The following GLRX2 variants were observed in gnomAD, a reference collection of about 807,000 sequenced individuals.
GLRX2 encodes the protein bA101E13.1 (GRX2 glutaredoxin (thioltransferase) 2).
A neutral mutation model predicts 16.4 loss-of-function variants in GLRX2; 12 were observed. The ratio of observed to expected loss-of-function variants is 0.73; its 90% CI spans 0.47 to 1.19. The LOEUF (loss-of-function observed/expected upper bound fraction) is 1.19. Ranked by LOEUF, GLRX2 falls within the 50% of genes most tolerant of loss-of-function variation. GLRX2 has a pLI of 0.00. For missense variants in GLRX2, 201 were observed against 201.8 expected (o/e 1.00, Z 0.02); for synonymous variants, 95 against 76.2 (o/e 1.25, Z -1.28).
intron 1 of GLRX2, among the ~76,000 whole-genome samples, chr1:193,102,182 G>A (rs1266319536): frequency 6.6e-6 from 1 of 152,084 alleles, no homozygotes; most frequent in African/African-American, 2.4e-5. Context: ...TTATCCTTGT[G>A]ATTATGTTAT....
chr1:193,105,545 G>T, upstream of GLRX2: 1 of 1,594,322 alleles, frequency 6.3e-7, no homozygotes, highest in South Asian at 1.1e-5. Context: ...GTCCTCCCAG[G>T]GCTGCCCGAG....
intron 2 of GLRX2, among the ~76,000 whole-genome samples, chr1:193,098,532 A>C (rs1395132533): frequency 6.6e-6 from 1 of 152,036 alleles, no homozygotes; most frequent in South Asian, 2.1e-4. Context: ...AAAACAAACA[A>C]ACAAACAAAC....
chr1:193,096,604 G>A lies in GLRX2; in HGVS notation c.*21C>T, dbSNP rs767808174. 1 of 1,458,700 alleles carries A rather than the reference G, an allele frequency of 6.9e-7. No individual in the cohort carries two copies. Among genetic ancestry groups the A allele is most frequent in the South Asian group, 1.2e-5 (1 of 84,012 alleles). 90.4% of individuals were successfully genotyped at this position (1,458,700 alleles called of 1,614,324 possible). ...ACTTTAAATAACTGACACTGTACTA[G>A]CAAACTTATTAGTATAAACATCACT... On this transcript the variant is annotated 3_prime_UTR_variant, in exon 4 of 4. Transcript: ENST00000367439.
chr1:193,098,393 T>G (rs964760118), intron 2 of GLRX2, among the ~76,000 whole-genome samples: 2 of 151,878 alleles, frequency 1.3e-5, no homozygotes, highest in Admixed American at 6.6e-5. Flanking sequence ...ACACAAAAGT[T>G]GCCAGGCATG....
chr1:193,105,390 G>A lies in GLRX2; in HGVS notation c.-8C>T, dbSNP rs569607521. Reference sequence around the variant, plus strand: ...CGCGCGGCGCCAAATCATGGTCAGAGCCCGGATCTGCAGCGAGCTCTACTG... The same window carrying A: ...CGCGCGGCGCCAAATCATGGTCAGAACCCGGATCTGCAGCGAGCTCTACTG... On this transcript the variant is annotated 5_prime_UTR_variant, in exon 1 of 4. Coordinates refer to ENST00000367439, the MANE Select transcript of GLRX2 (RefSeq NM_197962.3). 2.6e-6 allele frequency: 4 copies of A among 1,535,514 alleles called. No individual in the cohort carries two copies. Among genetic ancestry groups the A allele is most frequent in the South Asian group, 2.4e-5 (2 of 83,414 alleles).
rs933787883 is a variant in GLRX2, at chr1:193,101,045, T to C, written c.183+96A>G. ...ATCTCTTAATTCATTTGCTAAACTA[T>C]CTCAAGTTTGGATATTGAATAAGCA... On this transcript the variant is annotated intron_variant, in intron 2 of 3. Transcript: ENST00000367439. 1.1e-5 allele frequency: 9 copies of C among 794,346 alleles called. No homozygotes were observed. In the African/African-American group the frequency reaches 1.2e-4, roughly 11 times the overall value. The allele number at this position is 794,346 out of a possible 1,614,324, so 49.2% of individuals were successfully genotyped here.
intron 1 of GLRX2, among the ~76,000 whole-genome samples, chr1:193,103,862 G>A (rs977359019): frequency 2.0e-5 from 3 of 152,094 alleles, no homozygotes; most frequent in Admixed American, 6.5e-5. Flanking sequence ...TAAGGGTAGC[G>A]AGCTAGGGAG....
intron 3 of GLRX2, among the ~76,000 whole-genome samples, chr1:193,097,089 T>C (rs1216085954): frequency 2.0e-5 from 3 of 152,364 alleles, no homozygotes; most frequent in Middle Eastern, 6.8e-3. Context: ...CAGTAATATT[T>C]AGTTATTTCT....
intron 1 of GLRX2, among the ~76,000 whole-genome samples, chr1:193,105,009 G>A (rs1675157023): frequency 6.6e-6 from 1 of 152,208 alleles, no homozygotes; most frequent in South Asian, 2.1e-4. Flanking sequence ...ATTCACAGAG[G>A]GATGGCCTAA....
At chr1:193,105,732 C>T, upstream of GLRX2, 1 of 1,433,512 alleles carries the variant, frequency 7.0e-7, no homozygotes, top group Non-Finnish European at 9.2e-7. Flanking sequence ...GGCAGACATG[C>T]TGGGGAAACG....
At position 193,101,201 on chromosome 1, in the gene GLRX2, C is replaced by A; in HGVS notation, c.123G>T (p.Met41Ile). Residue 41 changes from methionine to isoleucine, a missense_variant, in exon 2 of 4, where the codon ATG becomes ATT. By Grantham distance (10) the Met-to-Ile change is conservative. Coordinates refer to ENST00000367439, the MANE Select transcript of GLRX2 (RefSeq NM_197962.3). ...AGAAAAAASG[M>I]ESNTSSSLEN... is the part of the protein sequence containing the mutation. ...CCAAAGATGATGATGTATTGCTCTC[C>A]ATCCTAAAAGGAATTTAAGAGAACA... 6.3e-7 allele frequency: 1 copy of A among 1,596,122 alleles called. No individual in the cohort carries two copies. Among genetic ancestry groups the A allele is most frequent in the Non-Finnish European group, 8.6e-7 (1 of 1,163,778 alleles).
chr1:193,102,788 G>T (rs1023337428), intron 1 of GLRX2, among the ~76,000 whole-genome samples: 3 of 152,074 alleles, frequency 2.0e-5, no homozygotes, highest in African/African-American at 7.2e-5. Flanking sequence ...GTCAGCTGTG[G>T]TCCAAAAACA....
intron 1 of GLRX2, among the ~76,000 whole-genome samples, chr1:193,105,027 T>G (rs1675157338): frequency 6.6e-6 from 1 of 152,122 alleles, no homozygotes; most frequent in Admixed American, 6.5e-5. Flanking sequence ...TAAGTGAACA[T>G]GAGTGAAGTA....
chr1:193,105,171 C>A, intron 1 of GLRX2, 93 bp downstream of exon 1: 1 of 1,425,170 alleles, frequency 7.0e-7, no homozygotes, highest in South Asian at 1.5e-5. Flanking sequence ...CACCCGGCGC[C>A]GGGGCAAAGG....
upstream of GLRX2, chr1:193,105,550 C>T (rs1349220474): frequency 1.3e-6 from 2 of 1,597,110 alleles, no homozygotes; most frequent in East Asian, 2.3e-5. Flanking sequence ...CCCAGGGCTG[C>T]CCGAGCGCTG....
chr1:193,105,355 C>A lies in GLRX2; in HGVS notation c.28G>T (p.Gly10Trp). The A allele has an allele frequency of 6.5e-7, 1 of 1,547,940 alleles. No individual in the cohort carries two copies. The highest frequency in any genetic ancestry group is 8.6e-7 in the Non-Finnish European group (1 of 1,157,736). The change falls in exon 1 of 4, where the codon GGG becomes TGG. Residue 10 changes from glycine to tryptophan, a missense_variant. Transcript: ENST00000367439. MIWRRAALAGTRLVWSRSGS... is the reference protein window; with the variant it reads MIWRRAALAWTRLVWSRSGS... ...CTCCTGCTCCAAACCAGCCGCGTCC[C>A]CGCCAGCGCCGCGCGGCGCCAAATC...
chr1:193,102,369 T>A (rs933992792), intron 1 of GLRX2, among the ~76,000 whole-genome samples: 1 of 152,194 alleles, frequency 6.6e-6, no homozygotes, highest in Non-Finnish European at 1.5e-5. Flanking sequence ...GTCTTCTTTT[T>A]GAGATGGAGT....
At chr1:193,101,236 A>G (rs1675069973) in intron 1 of GLRX2, 32 bp from the exon 2 acceptor site, 1 of 1,263,022 alleles carries the variant, frequency 7.9e-7, no homozygotes, top group Non-Finnish European at 1.2e-6. Flanking sequence ...AATGTAGTTT[A>G]TTAAGCATTA....
chr1:193,101,162 C>A lies in GLRX2; in HGVS notation c.162G>T (p.Thr54=). 2 of 1,611,530 alleles carry A rather than the reference C, an allele frequency of 1.2e-6. No individual in the cohort carries two copies. Among genetic ancestry groups the A allele is most frequent in the Non-Finnish European group, 1.7e-6 (2 of 1,177,794 alleles). ...NTSSSLENLA[T]APVNQIQETI... The stretch of plus-strand genomic sequence containing the variant: ...TCACTTGGATCTGGTTCACAGGCGC[C>A]GTCGCTAAATTCTCCAAAGATGATG... Residue 54 remains threonine, a synonymous_variant, in exon 2 of 4, where the codon ACG becomes ACT. Transcript: ENST00000367439.
Sources: gnomAD v4.1 joint callset for allele counts (sites outside exome capture counted in the v4.1 genomes callset) on GRCh38, gnomAD v4.1.1 for gene constraint, MANE v1.5 for transcripts, NCBI Gene and HGNC (gene_info 2026-07-23, HGNC 2026-07-21) for gene names.